ERC2: variants seen among roughly 807,000 people sequenced by gnomAD.
ERC2 encodes the protein ELKS/RAB6-interacting/CAST family member 2, also known as ERC protein 2.
ERC2 carries 42 observed loss-of-function variants against 114.8 expected under a neutral mutation model. The ratio of observed to expected loss-of-function variants is 0.37; its 90% CI spans 0.29 to 0.47. ERC2 has a LOEUF of 0.47. ERC2 is among the 20% of genes least tolerant of loss of function. The pLI, the probability that ERC2 is intolerant of heterozygous loss-of-function variation, is 0.99. For missense variants in ERC2, 939 were observed against 1,150.7 expected (o/e 0.82, Z 2.66); for synonymous variants, 454 against 425.5 (o/e 1.07, Z -0.82).
At position 55,683,811 on chromosome 3, in the gene ERC2, GAACTTTGGTT is replaced by G; in HGVS notation, c.*12_*21del. The G allele has an allele frequency of 6.2e-7, 1 of 1,610,832 alleles. No individual in the cohort carries two copies. The highest frequency in any genetic ancestry group is 8.5e-7 in the Non-Finnish European group (1 of 1,178,608). ...TTTCTCACCCCTCAAAACAAAACTGGAACTTTGGTTTACAGGCCCGGCTATGCCCATATGC... is the reference window on the plus strand; with the variant it reads ...TTTCTCACCCCTCAAAACAAAACTGGTACAGGCCCGGCTATGCCCATATGC... On this transcript the variant is annotated 3_prime_UTR_variant, in exon 17 of 18. Transcript: ENST00000288221.
At chr3:55,584,446 T>C (rs562046341) in intron 17 of ERC2, among the ~76,000 whole-genome samples, 11 of 152,302 alleles carry the variant, frequency 7.2e-5, no homozygotes, top group Middle Eastern at 3.4e-3. Flanking sequence ...GCTCAGTTCC[T>C]TCCTCTACCC....
intron 14 of ERC2, among the ~76,000 whole-genome samples, chr3:55,846,332 C>CT (rs1192215158): frequency 2.0e-5 from 3 of 152,166 alleles, no homozygotes; most frequent in Non-Finnish European, 4.4e-5. Context: ...TGATCTCATT[C>CT]TTTTTTATGG....
At chr3:56,200,353 A>C (rs2048342492) in intron 3 of ERC2, among the ~76,000 whole-genome samples, 1 of 151,646 alleles carries the variant, frequency 6.6e-6, no homozygotes, top group Admixed American at 6.6e-5. Context: ...CAGGGGAAAA[A>C]AAAAAAAAAA....
chr3:56,180,984 C>T (rs2083259426), intron 3 of ERC2, among the ~76,000 whole-genome samples: 1 of 152,138 alleles, frequency 6.6e-6, no homozygotes. Flanking sequence ...TAACATAAAG[C>T]TAACAATACA....
intron 16 of ERC2, among the ~76,000 whole-genome samples, chr3:55,693,575 A>G (rs566527232): frequency 1.3e-5 from 2 of 152,292 alleles, no homozygotes; most frequent in East Asian, 3.9e-4. Flanking sequence ...GGACAGCAGG[A>G]ATAGAGAAGA....
intron 2 of ERC2, among the ~76,000 whole-genome samples, chr3:56,413,082 A>G (rs558887610): frequency 6.6e-6 from 1 of 152,340 alleles, no homozygotes; most frequent in South Asian, 2.1e-4. Context: ...GACTAGCCAG[A>G]GACCAGGACA....
chr3:56,166,683 C>A (rs907940706), intron 4 of ERC2, among the ~76,000 whole-genome samples: 1 of 151,908 alleles, frequency 6.6e-6, no homozygotes, highest in Non-Finnish European at 1.5e-5. Flanking sequence ...TTTATTATCA[C>A]AAAGTTGCTA....
intron 2 of ERC2, among the ~76,000 whole-genome samples, chr3:56,424,273 AT>A (rs551484789): frequency 0.03 from 4,416 of 147,080 alleles, 98 homozygotes; most frequent in African/African-American, 0.062. Flanking sequence ...AAATACCCTG[AT>A]TTTTTTTTTT....
intron 7 of ERC2, among the ~76,000 whole-genome samples, chr3:56,062,940 G>A (rs367691048): frequency 6.6e-6 from 1 of 152,064 alleles, no homozygotes; most frequent in Non-Finnish European, 1.5e-5. Context: ...CTCTGGCTTC[G>A]GAATAACTTC....
intron 10 of ERC2, among the ~76,000 whole-genome samples, chr3:56,000,049 A>G (rs1560000757): frequency 6.6e-6 from 1 of 151,942 alleles, no homozygotes; most frequent in Non-Finnish European, 1.5e-5. Context: ...ACAGATGCTT[A>G]GAAACTAAGA....
At chr3:56,248,378 G>A (rs1488555529) in intron 3 of ERC2, among the ~76,000 whole-genome samples, 1 of 152,168 alleles carries the variant, frequency 6.6e-6, no homozygotes, top group African/African-American at 2.4e-5. Flanking sequence ...ACAGGTGTGA[G>A]TCACTGTGCC....
At chr3:56,440,742 TAA>T (rs1387771356) in intron 1 of ERC2, among the ~76,000 whole-genome samples, 4 of 152,192 alleles carry the variant, frequency 2.6e-5, no homozygotes, top group Non-Finnish European at 5.9e-5. Flanking sequence ...CCAGACAATA[TAA>T]AGACTATGTA....
intron 15 of ERC2, among the ~76,000 whole-genome samples, chr3:55,709,434 T>C (rs1424583645): frequency 1.3e-5 from 2 of 152,120 alleles, no homozygotes; most frequent in East Asian, 1.9e-4. Context: ...TGGAAAACAC[T>C]GTGAAGGTAA....
At chr3:55,548,621 A>G (rs1209128079) in intron 17 of ERC2, among the ~76,000 whole-genome samples, 1 of 152,216 alleles carries the variant, frequency 6.6e-6, no homozygotes, top group Non-Finnish European at 1.5e-5. Flanking sequence ...GGGGCTGGAG[A>G]GAAGGCATCC....
At position 56,173,528 on chromosome 3, in the gene ERC2, G is replaced by C; in HGVS notation, c.1075-8C>G. ...GCTTCTTCGGTGCAATTCCTGGGGA[G>C]GAACACGATAGAAATAAGCCTGACG... On this transcript the variant is annotated splice_region_variant and splice_polypyrimidine_tract_variant and intron_variant, in intron 3 of 17. Coordinates refer to ENST00000288221, the MANE Select transcript of ERC2 (RefSeq NM_015576.3). 6.2e-7 allele frequency: 1 copy of C among 1,613,458 alleles called. No individual in the cohort carries two copies.
At chr3:55,829,299 CA>C (rs1420567153) in intron 14 of ERC2, among the ~76,000 whole-genome samples, 5 of 151,998 alleles carry the variant, frequency 3.3e-5, no homozygotes, top group African/African-American at 1.2e-4. Flanking sequence ...AAGATTGATA[CA>C]TTTCAAATAA....
chr3:55,750,193 A>C (rs2066597554), intron 14 of ERC2, among the ~76,000 whole-genome samples: 1 of 152,228 alleles, frequency 6.6e-6, no homozygotes, highest in African/African-American at 2.4e-5. Flanking sequence ...AAATAATAAA[A>C]TAAAAGATAA....
At chr3:55,976,014 C>G (rs957225264) in intron 12 of ERC2, among the ~76,000 whole-genome samples, 1 of 152,194 alleles carries the variant, frequency 6.6e-6, no homozygotes, top group Non-Finnish European at 1.5e-5. Flanking sequence ...TGCCTCTTTG[C>G]CAAATTTCAG....
intron 17 of ERC2, among the ~76,000 whole-genome samples, chr3:55,599,400 T>C (rs1395510122): frequency 1.3e-5 from 2 of 152,256 alleles, no homozygotes; most frequent in Non-Finnish European, 2.9e-5. Flanking sequence ...AATGCTAATG[T>C]ATTTAAATTA....
Sources: gnomAD v4.1 joint callset for allele counts (sites outside exome capture counted in the v4.1 genomes callset) on GRCh38, gnomAD v4.1.1 for gene constraint, MANE v1.5 for transcripts, NCBI Gene and HGNC (gene_info 2026-07-23, HGNC 2026-07-21) for gene names.